Variants in PTPRN2 observed in about 807,000 individuals in gnomAD.
PTPRN2 encodes protein tyrosine phosphatase receptor type N2, also known as receptor-type tyrosine-protein phosphatase N2.
A neutral mutation model predicts 118.8 loss-of-function variants in PTPRN2; 74 were observed. The observed-to-expected ratio is 0.62, with a 90% CI of 0.52 to 0.76. PTPRN2 has a LOEUF of 0.76. Among genes scored for constraint, PTPRN2 ranks in the 30% least tolerant of loss-of-function variants. PTPRN2 has a pLI of 0.00. For synonymous variants in PTPRN2, 641 were observed against 608.0 expected (o/e 1.05, Z -0.80); for missense variants, 1,481 against 1,394.4 (o/e 1.06, Z -0.99).
intron 2 of PTPRN2, among the ~76,000 whole-genome samples, chr7:158,435,878 C>T (rs117422266): frequency 1.1e-3 from 169 of 152,248 alleles, no homozygotes; most frequent in South Asian, 2.1e-3. Context: ...TAGTCCAATG[C>T]GTAGACCCAG....
chr7:157,880,143 T>C (rs1291500592), intron 12 of PTPRN2, among the ~76,000 whole-genome samples: 6 of 152,162 alleles, frequency 3.9e-5, no homozygotes, highest in Non-Finnish European at 8.8e-5. Flanking sequence ...GGACTGGAAA[T>C]TAAAAATTGA....
chr7:157,548,838 G>A (rs935435309), intron 22 of PTPRN2, 108 bp downstream of exon 22: 24 of 1,112,344 alleles, frequency 2.2e-5, no homozygotes, highest in South Asian at 1.0e-4. Context: ...CAGAGCAATC[G>A]GTGTGCGGCT....
chr7:158,155,651 G>A (rs1421823009), intron 6 of PTPRN2, among the ~76,000 whole-genome samples: 23 of 3,096 alleles, frequency 7.4e-3, no homozygotes, highest in Admixed American at 0.019. Flanking sequence ...CGTCATCATT[G>A]CCATCATCAC....
chr7:157,887,201 C>G (rs546889847), intron 12 of PTPRN2, among the ~76,000 whole-genome samples: 127 of 152,224 alleles, frequency 8.3e-4, no homozygotes, highest in Non-Finnish European at 1.4e-3. Flanking sequence ...GAATGCAGAG[C>G]TGCCTGGGCT....
At chr7:158,331,899 ACT>A (rs201727805) in intron 2 of PTPRN2, among the ~76,000 whole-genome samples, 4 of 149,036 alleles carry the variant, frequency 2.7e-5, no homozygotes, top group Non-Finnish European at 5.9e-5. Context: ...TCACACCCAC[ACT>A]CTCACCATAA....
rs1823617672 is a variant in PTPRN2 at position 158,516,912 on chromosome 7, G to C, written c.113-27127C>G. Among the ~76,000 whole-genome samples, 3 of 152,088 alleles carry C rather than the reference G, an allele frequency of 2.0e-5. No homozygotes were observed. The South Asian group carries it at 6.2e-4, about 32-fold the overall frequency. On this transcript the variant is annotated intron_variant, in intron 1 of 22. Coordinates refer to ENST00000389418, the MANE Select transcript of PTPRN2 (RefSeq NM_002847.5). The stretch of plus-strand genomic sequence containing the variant: ...CCTATTGTTCCTGGTGCTGTTCTTG[G>C]TGTTTCTGCTATTCCTGTAACCTGC...
intron 10 of PTPRN2, among the ~76,000 whole-genome samples, chr7:158,087,132 C>T (rs1563415126): frequency 6.6e-6 from 1 of 152,212 alleles, no homozygotes; most frequent in Non-Finnish European, 1.5e-5. Flanking sequence ...CTGTGCCCTG[C>T]TCAGTCAGGA....
chr7:158,001,720 A>G (rs1182307154), intron 11 of PTPRN2, among the ~76,000 whole-genome samples: 7 of 152,198 alleles, frequency 4.6e-5, no homozygotes, highest in African/African-American at 1.7e-4. Context: ...GCACTGCCTC[A>G]GGGAGATTAG....
At chr7:158,336,983 C>A (rs62481668) in intron 2 of PTPRN2, among the ~76,000 whole-genome samples, 2 of 75,568 alleles carry the variant, frequency 2.6e-5, no homozygotes, top group African/African-American at 7.6e-5. Flanking sequence ...AGCTGATGCC[C>A]GCAGACGTCA....
rs1375880610 is a variant in PTPRN2, at chr7:157,953,694, T to C, written c.1724-54957A>G. Among the ~76,000 whole-genome samples, 1 of 151,012 alleles carries C rather than the reference T, an allele frequency of 6.6e-6. No individual in the cohort carries two copies. Among genetic ancestry groups the C allele is most frequent in the Non-Finnish European group, 1.5e-5 (1 of 67,660 alleles). On this transcript the variant is annotated intron_variant, in intron 11 of 22. Coordinates refer to ENST00000389418, the MANE Select transcript of PTPRN2 (RefSeq NM_002847.5). The surrounding 1 kb of genome is among the most constrained non-coding windows in gnomAD (Gnocchi z 4.6). ...TTTCAGAGCTGCATCATCAGAGCAGTTGGGGGACAGGAGGGCCAAGTCTGA... is the reference window on the plus strand; with the variant it reads ...TTTCAGAGCTGCATCATCAGAGCAGCTGGGGGACAGGAGGGCCAAGTCTGA...
At chr7:158,326,110 CTT>C (rs1803501171) in intron 2 of PTPRN2, among the ~76,000 whole-genome samples, 1 of 152,224 alleles carries the variant, frequency 6.6e-6, no homozygotes, top group African/African-American at 2.4e-5. Flanking sequence ...CGCCGCAGGT[CTT>C]GAGTCTGGCA....
At chr7:158,296,439 T>A (rs1030351291) in intron 3 of PTPRN2, among the ~76,000 whole-genome samples, 13 of 152,316 alleles carry the variant, frequency 8.5e-5, no homozygotes, top group African/African-American at 2.9e-4. Context: ...TCCAAGCCCA[T>A]GTGCGATCTG....
chr7:157,998,928 AGAG>A (rs559484705), intron 11 of PTPRN2, among the ~76,000 whole-genome samples: 448 of 151,758 alleles, frequency 3.0e-3, no homozygotes, highest in African/African-American at 0.01. Context: ...TGTTCTGGGT[AGAG>A]AAGTCATCTT....
intron 2 of PTPRN2, among the ~76,000 whole-genome samples, chr7:158,408,599 C>T (rs1290803741): frequency 6.6e-6 from 1 of 152,134 alleles, no homozygotes; most frequent in Non-Finnish European, 1.5e-5. Context: ...AATCATAAAA[C>T]AAGCAATTTG....
In PTPRN2 at chr7:158,201,607, C is replaced by T. The variant is rs981178823; in HGVS notation, c.380+3564G>A. 3.3e-5 allele frequency among the ~76,000 whole-genome samples: 5 copies of T among 152,184 alleles called. 1 individual carries two copies. In the South Asian group the frequency reaches 1.0e-3, roughly 32 times the overall value. On this transcript the variant is annotated intron_variant, in intron 4 of 22. Transcript: ENST00000389418. ...GAGATAATCAACCAAGAGCCAGGCA[C>T]CCTTTTAGGTCCAATAAGAAGCATC...
At chr7:158,161,456 T>C (rs1290685809) in intron 6 of PTPRN2, among the ~76,000 whole-genome samples, 1 of 152,186 alleles carries the variant, frequency 6.6e-6, no homozygotes, top group East Asian at 1.9e-4. Context: ...AGCCGAGCTT[T>C]GAAAAGGAGC....
chr7:157,709,255 T>C (rs1446393403), intron 12 of PTPRN2, among the ~76,000 whole-genome samples: 1 of 152,238 alleles, frequency 6.6e-6, no homozygotes, highest in Admixed American at 6.5e-5. Flanking sequence ...ATCAATACGA[T>C]GCCCTTCCAT....
At chr7:158,151,731 T>G (rs1390448639) in intron 6 of PTPRN2, among the ~76,000 whole-genome samples, 1 of 152,170 alleles carries the variant, frequency 6.6e-6, no homozygotes, top group African/African-American at 2.4e-5. Context: ...CCTTGCTAGC[T>G]GCATTCTTTC....
chr7:157,613,349 C>G (rs77083683), intron 15 of PTPRN2, among the ~76,000 whole-genome samples: 1 of 152,254 alleles, frequency 6.6e-6, no homozygotes, highest in East Asian at 1.9e-4. Context: ...CCGGTCTCTT[C>G]CGATAGTTCT....
Sources: gnomAD v4.1 joint callset for allele counts (sites outside exome capture counted in the v4.1 genomes callset) on GRCh38, gnomAD v4.1.1 for gene constraint, Gnocchi (gnomAD v3.1) non-coding constraint, MANE v1.5 for transcripts, NCBI Gene and HGNC (gene_info 2026-07-23, HGNC 2026-07-21) for gene names.